The following EFHD2 variants were observed in gnomAD, a reference collection of about 807,000 sequenced individuals.
The protein encoded by EFHD2 is EF-hand domain-containing protein D2.
Under a neutral mutation model 20.3 loss-of-function variants are expected in EFHD2, and 12 were observed. The ratio of observed to expected loss-of-function variants is 0.59; its 90% CI spans 0.38 to 0.96. The LOEUF (loss-of-function observed/expected upper bound fraction) is 0.96, where lower values mean the gene tolerates loss of function less well. Among genes scored for constraint, EFHD2 ranks in the 40% least tolerant of loss-of-function variants. The probability of loss-of-function intolerance (pLI) is 0.00; values close to 1 mark genes in which losing one functional copy is unlikely to be tolerated. For synonymous variants in EFHD2, 131 were observed against 143.9 expected, an observed-to-expected ratio of 0.91 and a Z score of 0.64; for missense variants, 250 against 334.3, an observed-to-expected ratio of 0.75 and a Z score of 1.97.
At chr1:15,418,551 C>T (rs576058034) in intron 1 of EFHD2, among the ~76,000 whole-genome samples, 14 of 152,166 alleles carry the variant, frequency 9.2e-5, no homozygotes, top group East Asian at 3.9e-4. Context: ...GTGATCCGCC[C>T]GCCTTGGCCT....
chr1:15,428,885 C>T lies in EFHD2; in HGVS notation c.*161C>T. On this transcript the variant is annotated 3_prime_UTR_variant, in exon 4 of 4. Transcript: ENST00000375980. ...AAGTTCAGGGGTCTTATGGAGGTGG[C>T]CCGGCCCCTCCCCGCTCCCTTCCAC... 3 of 1,081,912 alleles carry T rather than the reference C, an allele frequency of 2.8e-6. No homozygotes were observed. The highest frequency in any genetic ancestry group is 2.7e-5 in the East Asian group (1 of 36,888). 67.0% of individuals were successfully genotyped at this position (1,081,912 alleles called of 1,614,324 possible). A position where few individuals can be genotyped will look rare whatever the true frequency, so the allele number is the denominator to read the frequency against.
In EFHD2 at chr1:15,413,289, G is replaced by C. The variant is rs1707577746; in HGVS notation, c.308+3010G>C. 6.6e-6 allele frequency among the ~76,000 whole-genome samples: 1 copy of C among 152,176 alleles called. No homozygotes were observed. Among genetic ancestry groups the C allele is most frequent in the African/African-American group, 2.4e-5 (1 of 41,448 alleles). ...GACCATGAGGTCAGCAGGAGAATGG[G>C]AGCCAGCCTTTCCTTGGGGGCCAGG... On this transcript the variant is annotated intron_variant, in intron 1 of 3. Transcript: ENST00000375980. The surrounding 1 kb of genome is among the most constrained non-coding windows in gnomAD (Gnocchi z 4.4).
At chr1:15,418,516 AG>A (rs536150069) in intron 1 of EFHD2, among the ~76,000 whole-genome samples, 1,808 of 150,638 alleles carry the variant, frequency 0.012, 15 homozygotes, top group Non-Finnish European at 0.02. Context: ...CGTGTTAGCC[AG>A]GATGGTCTCA....
In EFHD2 at chr1:15,425,878, G is replaced by A. The variant is rs1160613220; in HGVS notation, c.316G>A (p.Ala106Thr). 6.2e-7 allele frequency: 1 copy of A among 1,606,438 alleles called. No homozygotes were observed. Among genetic ancestry groups the A allele is most frequent in the Non-Finnish European group, 8.5e-7 (1 of 1,176,952 alleles). ...DMEKMFKQYD[A>T]GRDGFIDLME... ...CTCTTTTTGCATCTGCAGGTATGAT[G>A]CCGGGCGGGACGGCTTCATCGACCT... Residue 106 changes from alanine (A) to threonine (T), a missense_variant, in exon 2 of 4, where the codon GCC becomes ACC. Around this residue, in one of 3 missense-constraint regions of EFHD2, gnomAD observed 143 missense variants for 190.6 expected, o/e 0.75. Coordinates refer to ENST00000375980, the MANE Select transcript of EFHD2 (RefSeq NM_024329.6).
In EFHD2 at chr1:15,426,019, G is replaced by A; in HGVS notation, c.456+1G>A. On this transcript the variant is annotated splice_donor_variant, in intron 2 of 3. Coordinates refer to ENST00000375980, the MANE Select transcript of EFHD2 (RefSeq NM_024329.6). LOFTEE classifies it high-confidence loss of function. This position sits in a 1 kb window ranked among gnomAD's most constrained non-coding sequence, Gnocchi z 4.6. ...TGACAGCAAGCTGAGCTTCCGGGAG[G>A]TAAGCCCGGCCCCCAGCCCCACTCC... 1.3e-6 allele frequency: 2 copies of A among 1,576,972 alleles called. No individual in the cohort carries two copies. Among genetic ancestry groups the A allele is most frequent in the Non-Finnish European group, 8.6e-7 (1 of 1,163,668 alleles).
Position 15,425,983 on chromosome 1 carries a change from G to C in EFHD2, c.421G>C (p.Asp141His). ...LGLKNMIKEV[D>H]EDFDSKLSFR... ...CCTGAAAAACATGATCAAGGAGGTG[G>C]ATGAGGACTTTGACAGCAAGCTGAG... The change falls in exon 2 of 4, where the codon GAT (aspartate) becomes CAT (histidine). Residue 141 changes from aspartate to histidine, a missense_variant. Physicochemically the swap from Asp to His is moderately conservative, Grantham distance 81 (BLOSUM62 -1). This residue lies in a region of EFHD2 where 7 missense variants were observed against 27.5 expected (regional missense o/e 0.25). Transcript: ENST00000375980. 6.3e-7 allele frequency: 1 copy of C among 1,594,470 alleles called. No individual in the cohort carries two copies. The highest frequency in any genetic ancestry group is 8.5e-7 in the Non-Finnish European group (1 of 1,172,412).
rs1031196448 is a variant in EFHD2 at position 15,428,954 on chromosome 1, C to T, written c.*230C>T. ...ACCGGCGCTGGCTCCCTGCCCGGCCCGGCCCTCCCTGGCAATCCCTGGGCT... is the reference window on the plus strand; with the variant it reads ...ACCGGCGCTGGCTCCCTGCCCGGCCTGGCCCTCCCTGGCAATCCCTGGGCT... On this transcript the variant is annotated 3_prime_UTR_variant, in exon 4 of 4. Coordinates refer to ENST00000375980, the MANE Select transcript of EFHD2 (RefSeq NM_024329.6). 2 of 580,536 alleles carry T rather than the reference C, an allele frequency of 3.4e-6. No individual in the cohort carries two copies. Among genetic ancestry groups the T allele is most frequent in the South Asian group, 2.0e-5 (1 of 50,734 alleles). The allele number at this position is 580,536 out of a possible 1,614,324, so 36.0% of individuals were successfully genotyped here.
intron 1 of EFHD2, among the ~76,000 whole-genome samples, chr1:15,419,225 C>T (rs1040744181): frequency 8.5e-5 from 13 of 152,188 alleles, no homozygotes; most frequent in Non-Finnish European, 1.2e-4. Flanking sequence ...CTGGCTGCTC[C>T]GCTTTCGAGA....
At position 15,422,252 on chromosome 1, in the gene EFHD2, C is replaced by G. The variant is rs192678608; in HGVS notation, c.309-3619C>G. Among the ~76,000 whole-genome samples, 963 of 151,988 alleles carry G rather than the reference C, an allele frequency of 6.3e-3. 10 individuals carry two copies. Among genetic ancestry groups the G allele is most frequent in the African/African-American group, 0.021 (887 of 41,450 alleles). On this transcript the variant is annotated intron_variant, in intron 1 of 3. Transcript: ENST00000375980. ...GGATTACAGGTGCCTGCCACCATGC[C>G]CAGCTAATTTGTGTATTTTTAATAG...
In EFHD2 at chr1:15,409,907, A is replaced by T; in HGVS notation, c.-65A>T. On this transcript the variant is annotated 5_prime_UTR_variant, in exon 1 of 4. Coordinates refer to ENST00000375980, the MANE Select transcript of EFHD2 (RefSeq NM_024329.6). ...CCCGGGGAGTGTCAGGAAGAGGAAG[A>T]GCGCGGCCGGCGGCGCTGCGCTGAG... 10 of 1,193,176 alleles carry T rather than the reference A, an allele frequency of 8.4e-6. No homozygotes were observed. Among genetic ancestry groups the T allele is most frequent in the Non-Finnish European group, 1.0e-5 (10 of 964,688 alleles). 73.9% of individuals were successfully genotyped at this position (1,193,176 alleles called of 1,614,324 possible).
At chr1:15,423,770 A>G (rs1382868366) in intron 1 of EFHD2, among the ~76,000 whole-genome samples, 1 of 152,192 alleles carries the variant, frequency 6.6e-6, no homozygotes, top group Non-Finnish European at 1.5e-5. Context: ...ATATTCATGC[A>G]GAAGCTCAAG....
chr1:15,428,159 A>G (rs983004099), intron 3 of EFHD2: 1 of 366,862 alleles, frequency 2.7e-6, no homozygotes, highest in African/African-American at 2.1e-5. Flanking sequence ...GTTGCTGGGC[A>G]GGACTCAGCA....
At position 15,427,205 on chromosome 1, in the gene EFHD2, T is replaced by A; in HGVS notation, c.512T>A (p.Leu171Gln). Residue 171 changes from leucine (L) to glutamine (Q), a missense_variant, in exon 3 of 4, where the codon CTG (leucine) becomes CAG (glutamine). Leu to Gln is a moderately radical substitution (Grantham distance 113). Coordinates refer to ENST00000375980, the MANE Select transcript of EFHD2 (RefSeq NM_024329.6). The stretch of plus-strand genomic sequence containing the variant: ...GGGGAGCTTCAGGAGGACAGCGGGC[T>A]GTGCGTGCTGGCCCGCCTCTCTGAG... ...AAGELQEDSG[L>Q]CVLARLSEID... is the part of the protein sequence containing the mutation. The A allele has an allele frequency of 6.2e-7, 1 of 1,604,822 alleles. No homozygotes were observed. Among genetic ancestry groups the A allele is most frequent in the Non-Finnish European group, 8.5e-7 (1 of 1,176,392 alleles).
rs77813585 is a variant in EFHD2, at chr1:15,415,423, A to G, written c.308+5144A>G. Among the ~76,000 whole-genome samples the G allele has an allele frequency of 3.8e-3, 580 of 151,774 alleles. 3 individuals carry two copies. Among genetic ancestry groups the G allele is most frequent in the African/African-American group, 0.013 (555 of 41,322 alleles). On this transcript the variant is annotated intron_variant, in intron 1 of 3. Coordinates refer to ENST00000375980, the MANE Select transcript of EFHD2 (RefSeq NM_024329.6). ...TAGCCATTCCTGGAGGAGCCTATGC[A>G]TATTATTTAGAGAACTGAATTGAAT...
In EFHD2 at chr1:15,426,325, C is replaced by A. The variant is rs1025536769; in HGVS notation, c.456+307C>A. On this transcript the variant is annotated intron_variant, in intron 2 of 3. Coordinates refer to ENST00000375980, the MANE Select transcript of EFHD2 (RefSeq NM_024329.6). This position sits in a 1 kb window ranked among gnomAD's most constrained non-coding sequence, Gnocchi z 4.6. ...TGCAGGCTCTGGGGTAGAGAAAGGC[C>A]CTGTGCTCGAAGGTTCCTGGAAGTG... is the stretch of plus-strand genomic sequence containing the variant. 6.6e-6 allele frequency among the ~76,000 whole-genome samples: 1 copy of A among 152,102 alleles called. No homozygotes were observed. Among genetic ancestry groups the A allele is most frequent in the Admixed American group, 6.5e-5 (1 of 15,274 alleles).
rs113624828 is a variant in EFHD2 at position 15,417,521 on chromosome 1, G to A, written c.308+7242G>A. Among the ~76,000 whole-genome samples, 1,462 of 152,190 alleles carry A rather than the reference G, an allele frequency of 9.6e-3. 20 individuals are homozygous for A. Among genetic ancestry groups the A allele is most frequent in the Non-Finnish European group, 0.013 (894 of 68,014 alleles). On this transcript the variant is annotated intron_variant, in intron 1 of 3. Coordinates refer to ENST00000375980, the MANE Select transcript of EFHD2 (RefSeq NM_024329.6). The stretch of plus-strand genomic sequence containing the variant: ...GGTCTCCCTCTTTATCCTCCGTGGG[G>A]GAGCCCCAAGCGCCACACTTATGTG...
At chr1:15,424,847 G>A (rs541523286) in intron 1 of EFHD2, among the ~76,000 whole-genome samples, 8 of 152,348 alleles carry the variant, frequency 5.3e-5, no homozygotes, top group African/African-American at 1.9e-4. Flanking sequence ...TGAGTAAGAA[G>A]AGTCATTTAT....
chr1:15,415,844 G>A (rs184343492), intron 1 of EFHD2, among the ~76,000 whole-genome samples: 2 of 152,196 alleles, frequency 1.3e-5, no homozygotes, highest in African/African-American at 4.8e-5. Flanking sequence ...GGCTCAAGGC[G>A]ATTGTCACTT....
chr1:15,416,713 AC>A (rs773400592), intron 1 of EFHD2, among the ~76,000 whole-genome samples: 1 of 150,910 alleles, frequency 6.6e-6, no homozygotes, highest in Non-Finnish European at 1.5e-5. Flanking sequence ...AGTCCTCTGA[AC>A]CCTTACAGTG....
Sources: allele counts gnomAD v4.1 joint callset (sites outside exome capture counted in the v4.1 genomes callset), GRCh38; gene constraint gnomAD v4.1.1; regional missense constraint gnomAD v4.1.1; non-coding constraint Gnocchi (gnomAD v3.1); transcripts MANE v1.5; gene names NCBI Gene and HGNC (gene_info 2026-07-23, HGNC 2026-07-21).